The following DPY19L4 variants were observed in gnomAD, a reference collection of about 807,000 sequenced individuals.
The protein encoded by DPY19L4 is dpy-19 like 4.
Under a neutral mutation model 102.8 loss-of-function variants are expected in DPY19L4, and 97 were observed. That is an observed-to-expected ratio of 0.94 (90% CI 0.80 to 1.12). DPY19L4 has a LOEUF of 1.12. DPY19L4 is among the 50% of genes most tolerant of loss of function. DPY19L4 has a pLI of 0.00. For synonymous variants in DPY19L4, 252 were observed against 283.1 expected (o/e 0.89, Z 1.10); for missense variants, 815 against 850.4 (o/e 0.96, Z 0.52).
At chr8:94,737,620 A>G (rs1811242758) in intron 3 of DPY19L4, among the ~76,000 whole-genome samples, 1 of 151,770 alleles carries the variant, frequency 6.6e-6, no homozygotes, top group South Asian at 2.1e-4. Context: ...CGTCTCTACT[A>G]AAAACACAAA....
chr8:94,752,585 CAAAAAAA>C (rs370640228), intron 6 of DPY19L4, among the ~76,000 whole-genome samples: 922 of 80,168 alleles, frequency 0.012, 13 homozygotes, highest in African/African-American at 0.03. Flanking sequence ...GACTCCATCT[CAAAAAAA>C]AAAAAAAAAA....
chr8:94,749,555 G>T (rs1193825342), intron 6 of DPY19L4, among the ~76,000 whole-genome samples: 1 of 152,098 alleles, frequency 6.6e-6, no homozygotes, highest in Non-Finnish European at 1.5e-5. Flanking sequence ...CTCGATTGGC[G>T]AATAATTTAA....
chr8:94,783,327 ACTAGCCAC>A (rs1229844801), intron 16 of DPY19L4, among the ~76,000 whole-genome samples: 1 of 152,146 alleles, frequency 6.6e-6, no homozygotes, highest in African/African-American at 2.4e-5. Flanking sequence ...TCATCACTGA[ACTAGCCAC>A]CTTATCTAAA....
At chr8:94,772,195 T>C (rs1168029976) in intron 13 of DPY19L4, among the ~76,000 whole-genome samples, 1 of 152,174 alleles carries the variant, frequency 6.6e-6, no homozygotes, top group East Asian at 1.9e-4. Flanking sequence ...CATACTCTTT[T>C]AGCAATAGTG....
At chr8:94,746,664 G>A (rs1248079626) in intron 6 of DPY19L4, among the ~76,000 whole-genome samples, 1 of 152,126 alleles carries the variant, frequency 6.6e-6, no homozygotes, top group African/African-American at 2.4e-5. Flanking sequence ...GAATTATAAT[G>A]CTACTTAAAT....
At chr8:94,786,953 A>C (rs1278735796) in intron 17 of DPY19L4, among the ~76,000 whole-genome samples, 3 of 152,144 alleles carry the variant, frequency 2.0e-5, no homozygotes, top group African/African-American at 4.8e-5. Flanking sequence ...TTGTTCCCCG[A>C]GGGGACATTT....
chr8:94,770,657 G>C, intron 13 of DPY19L4, 86 bp downstream of exon 13: 1 of 1,570,554 alleles, frequency 6.4e-7, no homozygotes. Context: ...CAGCACTTTG[G>C]GAGGCCAAGG....
At chr8:94,774,412 T>G (rs1303171025) in intron 13 of DPY19L4, among the ~76,000 whole-genome samples, 2 of 151,254 alleles carry the variant, frequency 1.3e-5, no homozygotes, top group Non-Finnish European at 2.9e-5. Context: ...TCTTAATGTT[T>G]TTTAAGTATA....
intron 6 of DPY19L4, among the ~76,000 whole-genome samples, chr8:94,742,314 C>T (rs952174391): frequency 9.2e-5 from 14 of 151,868 alleles, no homozygotes; most frequent in Admixed American, 2.0e-4. Context: ...GCTGAGATCT[C>T]GCCACTGCAC....
chr8:94,746,437 CAGAAG>C (rs1401599396), intron 6 of DPY19L4, among the ~76,000 whole-genome samples: 1 of 152,104 alleles, frequency 6.6e-6, no homozygotes, highest in Admixed American at 6.6e-5. Context: ...TATAAAAAAT[CAGAAG>C]AGAATGGTTA....
intron 6 of DPY19L4, among the ~76,000 whole-genome samples, chr8:94,751,048 C>G (rs557421402): frequency 2.7e-5 from 4 of 150,674 alleles, no homozygotes; most frequent in African/African-American, 9.8e-5. Flanking sequence ...CCCAAAGTGC[C>G]GGGATTACAG....
intron 3 of DPY19L4, 71 bp downstream of exon 3, chr8:94,734,825 T>A: frequency 6.3e-7 from 1 of 1,590,202 alleles, no homozygotes; most frequent in Non-Finnish European, 8.6e-7. Flanking sequence ...ATGATAAGTA[T>A]GACAAGTGCT....
chr8:94,783,186 A>G (rs1813508179), intron 16 of DPY19L4, among the ~76,000 whole-genome samples: 1 of 152,188 alleles, frequency 6.6e-6, no homozygotes, highest in Non-Finnish European at 1.5e-5. Context: ...AGAGTGGAGG[A>G]GTCCTATATG....
At chr8:94,764,728 T>TTTTTTTTTTTTC (rs1563601481) in intron 8 of DPY19L4, among the ~76,000 whole-genome samples, 3 of 97,594 alleles carry the variant, frequency 3.1e-5, no homozygotes, top group African/African-American at 1.4e-4. Flanking sequence ...TTTTTTTTTT[T>TTTTTTTTTTTTC]TTTTTTTTTT....
intron 6 of DPY19L4, among the ~76,000 whole-genome samples, chr8:94,743,292 A>C (rs1021610615): frequency 2.0e-4 from 30 of 152,126 alleles, no homozygotes; most frequent in Admixed American, 1.9e-3. Flanking sequence ...GGCCTCCCAA[A>C]GTGCTGGGAT....
intron 3 of DPY19L4, 51 bp from the exon 4 acceptor site, chr8:94,738,318 C>CAAA: frequency 6.5e-5 from 56 of 855,352 alleles, no homozygotes; most frequent in East Asian, 1.4e-4. Context: ...GACTCTGTCT[C>CAAA]AAAAAAAAAA....
intron 13 of DPY19L4, among the ~76,000 whole-genome samples, chr8:94,775,392 A>C (rs1813132622): frequency 6.6e-6 from 1 of 151,994 alleles, no homozygotes; most frequent in African/African-American, 2.4e-5. Context: ...GGCTGGTCTT[A>C]AACTCCTGAC....
intron 6 of DPY19L4, 67 bp downstream of exon 6, chr8:94,739,857 T>C: frequency 6.4e-7 from 1 of 1,559,274 alleles, no homozygotes; most frequent in Non-Finnish European, 8.7e-7. Flanking sequence ...GTTCTGAAAA[T>C]GCCTCCCCTC....
intron 2 of DPY19L4, among the ~76,000 whole-genome samples, chr8:94,726,858 G>T (rs917474598): frequency 1.3e-5 from 2 of 152,208 alleles, no homozygotes; most frequent in African/African-American, 4.8e-5. Flanking sequence ...TTACAGGGAA[G>T]TGTTCCAGGT....
Sources: allele counts gnomAD v4.1 joint callset (sites outside exome capture counted in the v4.1 genomes callset), GRCh38; gene constraint gnomAD v4.1.1; transcripts MANE v1.5; gene names NCBI Gene and HGNC (gene_info 2026-07-23, HGNC 2026-07-21).